The following ENPEP variants were observed in gnomAD, a reference collection of about 807,000 sequenced individuals.
ENPEP encodes glutamyl aminopeptidase.
ENPEP carries 103 observed loss-of-function variants against 114.5 expected under a neutral mutation model. The ratio of observed to expected loss-of-function variants is 0.90; its 90% CI spans 0.77 to 1.06. The LOEUF is 1.06. Ranked by LOEUF, ENPEP falls within the 50% of genes least tolerant of loss-of-function variation. The pLI, the probability that ENPEP is intolerant of heterozygous loss-of-function variation, is 0.00. For synonymous variants in ENPEP, 420 were observed against 422.0 expected, an observed-to-expected ratio of 1.00 and a Z score of 0.06; for missense variants, 1,196 against 1,161.3, an observed-to-expected ratio of 1.03 and a Z score of -0.43.
At chr4:110,508,269 C>CA (rs11451516) in intron 4 of ENPEP, among the ~76,000 whole-genome samples, 53,274 of 109,106 alleles carry the variant, frequency 0.49, 11,737 homozygotes, top group East Asian at 0.62. Context: ...CAGTACTGAC[C>CA]AAAAAAAAAA....
At chr4:110,503,611 C>A (rs2348431) in intron 3 of ENPEP, among the ~76,000 whole-genome samples, 83,380 of 151,928 alleles carry the variant, frequency 0.55, 23,053 homozygotes, top group East Asian at 0.68. Flanking sequence ...TTTGGAGGAA[C>A]CAAGGCAGTC....
chr4:110,522,708 A>G (rs941439570), intron 10 of ENPEP, among the ~76,000 whole-genome samples: 3 of 152,228 alleles, frequency 2.0e-5, no homozygotes, highest in Non-Finnish European at 2.9e-5. Flanking sequence ...GAATGCAAGA[A>G]GCGAATGAGG....
intron 11 of ENPEP, among the ~76,000 whole-genome samples, chr4:110,536,490 C>T (rs1726632771): frequency 6.6e-6 from 1 of 152,124 alleles, no homozygotes; most frequent in African/African-American, 2.4e-5. Flanking sequence ...TTACTTCTGC[C>T]CACATTTTAT....
chr4:110,518,933 G>A (rs1045656328), intron 8 of ENPEP: 41 of 383,454 alleles, frequency 1.1e-4, no homozygotes, highest in Non-Finnish European at 1.8e-4. Context: ...ACTATGCCAA[G>A]TATTCAATTA....
chr4:110,554,778 G>A (rs563938429), intron 18 of ENPEP, among the ~76,000 whole-genome samples: 1 of 152,004 alleles, frequency 6.6e-6, no homozygotes, highest in African/African-American at 2.4e-5. Flanking sequence ...TTTTTCTGTG[G>A]TGTATGGTGC....
chr4:110,492,774 G>A (rs936035510), intron 3 of ENPEP, among the ~76,000 whole-genome samples: 1 of 152,182 alleles, frequency 6.6e-6, no homozygotes, highest in African/African-American at 2.4e-5. Flanking sequence ...TAATATAGAG[G>A]TGAGAACATT....
chr4:110,489,917 G>A (rs1724640354), intron 2 of ENPEP, among the ~76,000 whole-genome samples: 3 of 152,048 alleles, frequency 2.0e-5, no homozygotes, highest in African/African-American at 7.2e-5. Context: ...ACAAAATAAA[G>A]CAAATAAACA....
Position 110,520,122 on chromosome 4 carries a change from T to C in ENPEP, c.1575+49T>C, listed in dbSNP as rs1252414038. The C allele has an allele frequency of 1.9e-6, 3 of 1,600,226 alleles. No homozygotes were observed. The Admixed American group carries it at 5.0e-5, about 27-fold the overall frequency. On this transcript the variant is annotated intron_variant, in intron 9 of 19. Coordinates refer to ENST00000265162, the MANE Select transcript of ENPEP (RefSeq NM_001977.4). ...AATATTTCTTTGTCTGATTTACAAATGGCTTACCAATCATTTTCTAATCTA... is the reference window on the plus strand; with the variant it reads ...AATATTTCTTTGTCTGATTTACAAACGGCTTACCAATCATTTTCTAATCTA...
intron 11 of ENPEP, among the ~76,000 whole-genome samples, chr4:110,534,934 T>C (rs927110294): frequency 1.3e-5 from 2 of 152,180 alleles, no homozygotes; most frequent in Admixed American, 1.3e-4. Flanking sequence ...AAAGTCCTAG[T>C]TTAATGAAGG....
At chr4:110,503,802 G>A (rs2110348175) in intron 3 of ENPEP, among the ~76,000 whole-genome samples, 1 of 152,288 alleles carries the variant, frequency 6.6e-6, no homozygotes, top group East Asian at 1.9e-4. Context: ...TATTTGCGCT[G>A]AATTCATGTC....
Position 110,520,261 on chromosome 4 carries a change from A to G in ENPEP, c.1622A>G (p.Gln541Arg). 1.2e-6 allele frequency: 2 copies of G among 1,614,184 alleles called. No homozygotes were observed. Among genetic ancestry groups the G allele is most frequent in the South Asian group, 1.1e-5 (1 of 91,090 alleles). ...GAAGTAATGGACACCTGGACCAGAC[A>G]GATGGGTTATCCTGTGCTTAACGTG... is the stretch of plus-strand genomic sequence containing the variant. Reference protein sequence around the residue: ...VKEVMDTWTRQMGYPVLNVNG... With the variant: ...VKEVMDTWTRRMGYPVLNVNG... Residue 541 changes from glutamine to arginine, a missense_variant, in exon 10 of 20, where the codon CAG (glutamine) becomes CGG (arginine). Transcript: ENST00000265162.
chr4:110,562,025 C>T lies in ENPEP; in HGVS notation c.*467C>T, dbSNP rs554248075. 1 of 152,416 alleles carries T rather than the reference C, an allele frequency of 6.6e-6. No homozygotes were observed. Among genetic ancestry groups the T allele is most frequent in the Non-Finnish European group, 1.5e-5 (1 of 68,230 alleles). 9.4% of individuals were successfully genotyped at this position (152,416 alleles called of 1,614,324 possible). A position where few individuals can be genotyped will look rare whatever the true frequency, so the allele number is the denominator to read the frequency against. On this transcript the variant is annotated 3_prime_UTR_variant, in exon 20 of 20. Coordinates refer to ENST00000265162, the MANE Select transcript of ENPEP (RefSeq NM_001977.4). ...TTTTATTATTCAGAATTATACAGAC[C>T]TAATATCATTTTATTCACATATGTC...
intron 11 of ENPEP, among the ~76,000 whole-genome samples, chr4:110,532,496 A>G (rs923896696): frequency 6.6e-5 from 10 of 152,232 alleles, no homozygotes; most frequent in Admixed American, 6.5e-4. Flanking sequence ...TTGTTTATCC[A>G]TTTATCAGTT....
Position 110,491,031 on chromosome 4 carries a change from A to C in ENPEP, c.787-2A>C. The C allele has an allele frequency of 6.2e-7, 1 of 1,600,840 alleles. No individual in the cohort carries two copies. Among genetic ancestry groups the C allele is most frequent in the East Asian group, 2.2e-5 (1 of 44,812 alleles). On this transcript the variant is annotated splice_acceptor_variant, in intron 2 of 19. Transcript: ENST00000265162. LOFTEE classifies it high-confidence loss of function. The stretch of plus-strand genomic sequence containing the variant: ...TAAAAGTTTATCTTTTCTTTTCAAT[A>C]GAAAGAAGAGTCAGTGGATGATAAA...
At chr4:110,490,800 T>G (rs1724678566) in intron 2 of ENPEP, among the ~76,000 whole-genome samples, 1 of 152,224 alleles carries the variant, frequency 6.6e-6, no homozygotes, top group Admixed American at 6.5e-5. Flanking sequence ...AAAATTTTAT[T>G]TCTCCCTGAA....
intron 3 of ENPEP, among the ~76,000 whole-genome samples, chr4:110,492,698 G>T (rs148177740): frequency 4.6e-5 from 7 of 152,300 alleles, no homozygotes; most frequent in Non-Finnish European, 7.4e-5. Flanking sequence ...AAAGGAAATG[G>T]CATCAGAAAT....
At chr4:110,491,254 A>G in intron 3 of ENPEP, 90 bp downstream of exon 3, 1 of 1,062,554 alleles carries the variant, frequency 9.4e-7, no homozygotes, top group Non-Finnish European at 1.3e-6. Flanking sequence ...TTTTTTTTTC[A>G]AACAACATGC....
At chr4:110,522,286 G>T (rs1261215163) in intron 10 of ENPEP, among the ~76,000 whole-genome samples, 1 of 151,730 alleles carries the variant, frequency 6.6e-6, no homozygotes, top group South Asian at 2.1e-4. Flanking sequence ...GGTTCAAGCC[G>T]TTCTCCTCCC....
intron 7 of ENPEP, among the ~76,000 whole-genome samples, chr4:110,513,872 A>C (rs887839827): frequency 1.3e-5 from 2 of 152,160 alleles, no homozygotes; most frequent in Admixed American, 6.5e-5. Context: ...AAAGACAATA[A>C]ATCTTTTTCT....
Sources: allele counts gnomAD v4.1 joint callset (sites outside exome capture counted in the v4.1 genomes callset), GRCh38; gene constraint gnomAD v4.1.1; transcripts MANE v1.5; gene names NCBI Gene and HGNC (gene_info 2026-07-23, HGNC 2026-07-21).